The following FBXO11 variants were observed in gnomAD, a reference collection of about 807,000 sequenced individuals.
FBXO11 encodes F-box only protein 11.
In FBXO11, 13 loss-of-function variants were observed where a neutral mutation model predicts 117.0. The ratio of observed to expected loss-of-function variants is 0.11; its 90% CI spans 0.07 to 0.18. The LOEUF (loss-of-function observed/expected upper bound fraction) is 0.18, where lower values mean the gene tolerates loss of function less well. FBXO11 is among the 10% of genes least tolerant of loss of function. FBXO11 has a pLI of 1.00. For missense variants in FBXO11, 767 were observed against 1,164.4 expected, an observed-to-expected ratio of 0.66 and a Z score of 4.97; for synonymous variants, 490 against 380.5, an observed-to-expected ratio of 1.29 and a Z score of -3.35.
chr2:47,886,405 C>A (rs1224085548), intron 1 of FBXO11, among the ~76,000 whole-genome samples: 4 of 151,180 alleles, frequency 2.6e-5, no homozygotes, highest in African/African-American at 9.7e-5. Flanking sequence ...ACTCAGGAGG[C>A]TGAGGCAGGA....
At chr2:47,882,022 A>G (rs1407582491) in intron 1 of FBXO11, among the ~76,000 whole-genome samples, 3 of 152,200 alleles carry the variant, frequency 2.0e-5, no homozygotes, top group Admixed American at 6.5e-5. Context: ...TGCTGGGATT[A>G]CAGATGTGAG....
chr2:47,877,172 T>C (rs1355343781), intron 1 of FBXO11, among the ~76,000 whole-genome samples: 1 of 151,834 alleles, frequency 6.6e-6, no homozygotes, highest in Non-Finnish European at 1.5e-5. Flanking sequence ...GGACCACAGG[T>C]GTGCAGCACC....
intron 1 of FBXO11, among the ~76,000 whole-genome samples, chr2:47,852,994 A>T (rs1360529713): frequency 6.6e-6 from 1 of 152,208 alleles, no homozygotes; most frequent in Admixed American, 6.5e-5. Context: ...AATATTGGAT[A>T]TATTTATTAG....
intron 11 of FBXO11, among the ~76,000 whole-genome samples, chr2:47,829,361 C>T (rs1319939679): frequency 6.6e-6 from 1 of 152,102 alleles, no homozygotes; most frequent in Non-Finnish European, 1.5e-5. Context: ...TTGCCTTAGC[C>T]TCTCGAGTAG....
intron 17 of FBXO11, 48 bp from the exon 18 acceptor site, chr2:47,813,425 ATTTTTTTT>A (rs564540671): frequency 8.2e-5 from 32 of 390,096 alleles, no homozygotes; most frequent in African/African-American, 3.1e-4. Flanking sequence ...TTTCTTTTTA[ATTTTTTTT>A]TTTTTTTTTT....
Position 47,832,946 on chromosome 2 carries a change from A to T in FBXO11, c.1041+18T>A. 6.2e-7 allele frequency: 1 copy of T among 1,606,580 alleles called. No homozygotes were observed. Among genetic ancestry groups the T allele is most frequent in the African/African-American group, 1.3e-5 (1 of 74,870 alleles). On this transcript the variant is annotated intron_variant, in intron 8 of 22. Transcript: ENST00000403359. Reference sequence around the variant, plus strand: ...CTTTATGATTTCAATGTGTATTTTAAATCTTAACATGTCTTACCCTTATTG... The same window carrying T: ...CTTTATGATTTCAATGTGTATTTTATATCTTAACATGTCTTACCCTTATTG...
At chr2:47,860,258 T>G (rs1169309367) in intron 1 of FBXO11, among the ~76,000 whole-genome samples, 1 of 152,196 alleles carries the variant, frequency 6.6e-6, no homozygotes, top group Admixed American at 6.5e-5. Flanking sequence ...CCTGACTAGC[T>G]AACTCATTTG....
intron 16 of FBXO11, among the ~76,000 whole-genome samples, chr2:47,817,502 T>C (rs1671087696): frequency 6.6e-6 from 1 of 152,250 alleles, no homozygotes; most frequent in Non-Finnish European, 1.5e-5. Flanking sequence ...TCTAGGACTT[T>C]TCCTTTGCAT....
chr2:47,834,211 A>T (rs568702351), intron 7 of FBXO11, among the ~76,000 whole-genome samples: 4 of 152,226 alleles, frequency 2.6e-5, no homozygotes, highest in East Asian at 1.9e-4. Flanking sequence ...TTAGCCACGC[A>T]TGGTGGTGCA....
chr2:47,828,653 C>T (rs1209963953), intron 11 of FBXO11, among the ~76,000 whole-genome samples: 1 of 150,656 alleles, frequency 6.6e-6, no homozygotes, highest in African/African-American at 2.4e-5. Flanking sequence ...AAGAGTTTCA[C>T]AAGAAACTCT....
intron 16 of FBXO11, among the ~76,000 whole-genome samples, chr2:47,817,731 G>A (rs1671101152): frequency 6.6e-6 from 1 of 152,236 alleles, no homozygotes; most frequent in Non-Finnish European, 1.5e-5. Context: ...CCTGAGGAGA[G>A]GGACAGAGAT....
rs1279553923 is a variant in FBXO11 at position 47,905,814 on chromosome 2, A to AGAGGGGG, written c.-101_-95dup. 3.7e-6 allele frequency: 1 copy of AGAGGGGG among 272,342 alleles called. No individual in the cohort carries two copies. The highest frequency in any genetic ancestry group is 4.7e-5 in the African/African-American group (1 of 21,190). 16.9% of individuals were successfully genotyped at this position (272,342 alleles called of 1,614,324 possible). On this transcript the variant is annotated 5_prime_UTR_variant, in exon 1 of 23. Coordinates refer to ENST00000403359, the MANE Select transcript of FBXO11 (RefSeq NM_001190274.2). ...AGGAGAAAGGGGTGGGGAGAGTGGG[A>AGAGGGGG]GAGGGGGGAGGAAGGAGAGGGGGCG...
At chr2:47,868,175 C>T (rs2103805370) in intron 1 of FBXO11, among the ~76,000 whole-genome samples, 1 of 150,976 alleles carries the variant, frequency 6.6e-6, no homozygotes, top group East Asian at 2.0e-4. Context: ...TCCAGCTATT[C>T]AGGAGGCTGA....
At chr2:47,841,363 G>C (rs965733171) in intron 1 of FBXO11, among the ~76,000 whole-genome samples, 1 of 152,152 alleles carries the variant, frequency 6.6e-6, no homozygotes, top group Non-Finnish European at 1.5e-5. Flanking sequence ...TAAAATTAGA[G>C]AATCACCATT....
At chr2:47,901,037 GTGTGTACATATATACACATATATATGTA>G (rs1678213749) in intron 1 of FBXO11, among the ~76,000 whole-genome samples, 3 of 136,654 alleles carry the variant, frequency 2.2e-5, no homozygotes, top group African/African-American at 8.0e-5. Context: ...ATATACACAC[GTGTGTACATATATACACATATATATGTA>G]TATATATACA....
chr2:47,843,084 C>G (rs1003351189), intron 1 of FBXO11, among the ~76,000 whole-genome samples: 3 of 152,144 alleles, frequency 2.0e-5, no homozygotes, highest in African/African-American at 7.2e-5. Flanking sequence ...GTCAATGTGC[C>G]CAGCTTGTAA....
intron 4 of FBXO11, among the ~76,000 whole-genome samples, chr2:47,838,252 C>G (rs184454410): frequency 5.2e-4 from 79 of 151,982 alleles, no homozygotes; most frequent in African/African-American, 1.8e-3. Flanking sequence ...AAATGAAAAT[C>G]TCTTTGTAAA....
At chr2:47,864,334 TC>T (rs1416457905) in intron 1 of FBXO11, among the ~76,000 whole-genome samples, 2 of 152,230 alleles carry the variant, frequency 1.3e-5, no homozygotes, top group Non-Finnish European at 2.9e-5. Context: ...ACGCCTGTAA[TC>T]CCAGCAGTTT....
At chr2:47,828,369 A>G (rs1671921474) in intron 11 of FBXO11, among the ~76,000 whole-genome samples, 1 of 152,218 alleles carries the variant, frequency 6.6e-6, no homozygotes, top group Non-Finnish European at 1.5e-5. Flanking sequence ...ATGACAAAGT[A>G]GGCCAGGCGC....
Sources: allele counts gnomAD v4.1 joint callset (sites outside exome capture counted in the v4.1 genomes callset), GRCh38; gene constraint gnomAD v4.1.1; transcripts MANE v1.5; gene names NCBI Gene and HGNC (gene_info 2026-07-23, HGNC 2026-07-21).